Variants in TAF5 observed in about 807,000 individuals in gnomAD.
TAF5 encodes the protein transcription initiation factor TFIID subunit 5.
Under a neutral mutation model 80.9 loss-of-function variants are expected in TAF5, and 20 were observed. That is an observed-to-expected ratio of 0.25 (90% CI 0.17 to 0.36). The LOEUF is 0.36. Ranked by LOEUF, TAF5 falls within the 10% of genes least tolerant of loss-of-function variation. TAF5 has a pLI of 1.00. For synonymous variants in TAF5, 388 were observed against 406.4 expected (o/e 0.95, Z 0.55); for missense variants, 863 against 1,029.4 (o/e 0.84, Z 2.21).
In TAF5 at chr10:103,378,134, C is replaced by T; in HGVS notation, c.798-101C>T. 2.0e-6 allele frequency: 2 copies of T among 990,038 alleles called. No individual in the cohort carries two copies. Among genetic ancestry groups the T allele is most frequent in the Non-Finnish European group, 3.0e-6 (2 of 671,268 alleles). The allele number at this position is 990,038 out of a possible 1,614,324, so 61.3% of individuals were successfully genotyped here. Reference sequence around the variant, plus strand: ...GCTTAGTTCAGGATTATTTAGACTACTACATTGAAAATATTCTGGGATGGT... The same window carrying T: ...GCTTAGTTCAGGATTATTTAGACTATTACATTGAAAATATTCTGGGATGGT... On this transcript the variant is annotated intron_variant, in intron 2 of 10. Transcript: ENST00000369839. This position sits in a 1 kb window ranked among gnomAD's most constrained non-coding sequence, Gnocchi z 4.1.
chr10:103,385,260 T>C, intron 7 of TAF5, 66 bp from the exon 8 acceptor site: 1 of 1,300,032 alleles, frequency 7.7e-7, no homozygotes, highest in South Asian at 1.4e-5. Context: ...TTCAAATGTA[T>C]ATAAAACTGG....
rs1274549529 is a variant in TAF5, at chr10:103,373,419, A to G, written c.621A>G (p.Gln207=). 1.2e-6 allele frequency: 2 copies of G among 1,614,166 alleles called. No individual in the cohort carries two copies. Among genetic ancestry groups the G allele is most frequent in the Non-Finnish European group, 1.7e-6 (2 of 1,180,038 alleles). Residue 207 remains glutamine, a synonymous_variant, in exon 2 of 11, where the codon CAA becomes CAG. Coordinates refer to ENST00000369839, the MANE Select transcript of TAF5 (RefSeq NM_006951.5). ...GTGCCGTGTTGTCAGCCTACAACCA[A>G]CAAGGAGATCCCACAATGTATGAAG... is the stretch of plus-strand genomic sequence containing the variant. ...DVSAVLSAYN[Q]QGDPTMYEEY...
rs113860363 is a variant in TAF5 at position 103,374,323 on chromosome 10, G to C, written c.797+728G>C. 1.4e-3 allele frequency among the ~76,000 whole-genome samples: 207 copies of C among 152,302 alleles called. No homozygotes were observed. The highest frequency in any genetic ancestry group is 3.8e-3 in the African/African-American group (158 of 41,564). On this transcript the variant is annotated intron_variant, in intron 2 of 10. Transcript: ENST00000369839. The surrounding 1 kb of genome is among the most constrained non-coding windows in gnomAD (Gnocchi z 4.3). Reference sequence around the variant, plus strand: ...ATGTGGGACATTCGGGATTGGTGTGGTGGGTTCTTCATTACCAGGGCCCCA... The same window carrying C: ...ATGTGGGACATTCGGGATTGGTGTGCTGGGTTCTTCATTACCAGGGCCCCA...
intron 10 of TAF5, 112 bp from the exon 11 acceptor site, chr10:103,387,894 C>G (rs1431091625): frequency 1.7e-6 from 2 of 1,182,600 alleles, no homozygotes; most frequent in Non-Finnish European, 2.4e-6. Context: ...AGTTATTGGT[C>G]AAGTTTAGAT....
intron 6 of TAF5, 145 bp from the exon 7 acceptor site, chr10:103,383,093 C>A: frequency 1.7e-6 from 1 of 577,776 alleles, no homozygotes; most frequent in Non-Finnish European, 2.8e-6. Context: ...GATGATACTG[C>A]CTAATTTAGA....
chr10:103,368,631 T>A lies in TAF5; in HGVS notation c.559+83T>A, dbSNP rs542467750. 1.9e-5 allele frequency: 27 copies of A among 1,387,618 alleles called. No homozygotes were observed. In the South Asian group the frequency reaches 4.1e-4, roughly 21 times the overall value. 86.0% of individuals were successfully genotyped at this position (1,387,618 alleles called of 1,614,324 possible). On this transcript the variant is annotated intron_variant, in intron 1 of 10. Coordinates refer to ENST00000369839, the MANE Select transcript of TAF5 (RefSeq NM_006951.5). ...GCAGGGGCTGGCAGGCCTGCACCTCTGCGGGCTTGTTTTGAATTTCCTGGG... is the reference window on the plus strand; with the variant it reads ...GCAGGGGCTGGCAGGCCTGCACCTCAGCGGGCTTGTTTTGAATTTCCTGGG...
At position 103,368,047 on chromosome 10, in the gene TAF5, C is replaced by G; in HGVS notation, c.58C>G (p.Pro20Ala). ...GGCGGTCAAGCTAGAGCCTGAGGGA[C>G]CGCCAACGCTGCTACCTCCGCAGGC... The part of the protein sequence containing the change: ...EVAVKLEPEG[P>A]PTLLPPQAGD... The change falls in exon 1 of 11, where the codon CCG becomes GCG. Residue 20 changes from proline (P) to alanine (A), a missense_variant. Coordinates refer to ENST00000369839, the MANE Select transcript of TAF5 (RefSeq NM_006951.5). The G allele has an allele frequency of 6.9e-7, 1 of 1,446,290 alleles. No homozygotes were observed. The highest frequency in any genetic ancestry group is 1.4e-5 in the South Asian group (1 of 73,472). The allele number at this position is 1,446,290 out of a possible 1,614,324, so 89.6% of individuals were successfully genotyped here.
At chr10:103,371,244 A>G (rs1039734401) in intron 1 of TAF5, among the ~76,000 whole-genome samples, 1 of 115,406 alleles carries the variant, frequency 8.7e-6, no homozygotes, top group Non-Finnish European at 2.0e-5. Context: ...CTCCGTCTTT[A>G]CAAAAAAAAA....
In TAF5 at chr10:103,387,670, T is replaced by C. The variant is rs2093400286; in HGVS notation, c.2157T>C (p.Phe719=). The part of the protein sequence containing the change: ...GHTDTVCSLR[F]SRDGEILASG... ...CTGATACAGTCTGTTCACTTAGGTT[T>C]AGTAGAGATGGTGAAATTTTGGCAT... Residue 719 remains phenylalanine, a synonymous_variant, in exon 10 of 11, where the codon TTT becomes TTC. Transcript: ENST00000369839. 1 of 1,611,928 alleles carries C rather than the reference T, an allele frequency of 6.2e-7. No individual in the cohort carries two copies. Among genetic ancestry groups the C allele is most frequent in the African/African-American group, 1.3e-5 (1 of 74,912 alleles).
Position 103,368,163 on chromosome 10 carries a change from C to T in TAF5, c.174C>T (p.Gly58=). The change falls in exon 1 of 11, where the codon GGC becomes GGT. Residue 58 remains glycine, a synonymous_variant. Coordinates refer to ENST00000369839, the MANE Select transcript of TAF5 (RefSeq NM_006951.5). ...ACGTTGCGGCGTCGTCGTCCACTGG[C>T]GGGGATGGCGGGACCCCCAAGCCCA... The part of the protein sequence containing the change: ...GGNVAASSST[G]GDGGTPKPTV... 7.2e-7 allele frequency: 1 copy of T among 1,392,926 alleles called. No homozygotes were observed. The highest frequency in any genetic ancestry group is 9.3e-7 in the Non-Finnish European group (1 of 1,074,938). The allele number at this position is 1,392,926 out of a possible 1,614,324, so 86.3% of individuals were successfully genotyped here.
intron 1 of TAF5, among the ~76,000 whole-genome samples, chr10:103,370,412 G>GCCTC (rs2093356781): frequency 7.7e-6 from 1 of 130,414 alleles, no homozygotes; most frequent in African/African-American, 2.9e-5. Context: ...TGCAACCTCC[G>GCCTC]CCTCCCAGGT....
intron 3 of TAF5, 126 bp from the exon 4 acceptor site, chr10:103,379,481 AC>A (rs2093377207): frequency 1.2e-6 from 1 of 861,174 alleles, no homozygotes. Context: ...TATTGGGTAG[AC>A]AAATACAGAA....
chr10:103,370,126 G>C (rs979069294), intron 1 of TAF5, among the ~76,000 whole-genome samples: 1 of 151,554 alleles, frequency 6.6e-6, no homozygotes, highest in African/African-American at 2.4e-5. Flanking sequence ...CAGCTACTTG[G>C]GGGGCTGAGG....
Position 103,383,365 on chromosome 10 carries a change from T to C in TAF5, c.1662T>C (p.Asp554=), listed in dbSNP as rs757575612. 2.1e-5 allele frequency: 33 copies of C among 1,587,090 alleles called. No homozygotes were observed. Among genetic ancestry groups the C allele is most frequent in the Non-Finnish European group, 2.6e-5 (31 of 1,172,872 alleles). ...GPVYGASFSP[D]RNYLLSSSED... is the part of the protein sequence containing the mutation. ...TCTACGGAGCCAGCTTCAGTCCGGA[T>C]AGGTAAAATACAAACAATAAAAATT... Residue 554 remains aspartate (D), a splice_region_variant and synonymous_variant, in exon 7 of 11, where the codon GAT becomes GAC. Coordinates refer to ENST00000369839, the MANE Select transcript of TAF5 (RefSeq NM_006951.5).
intron 3 of TAF5, 68 bp from the exon 4 acceptor site, chr10:103,379,540 A>G: frequency 7.8e-7 from 1 of 1,287,642 alleles, no homozygotes; most frequent in East Asian, 2.5e-5. Flanking sequence ...GATTTATCCT[A>G]TCAAGATGTA....
rs559524338 is a variant in TAF5 at position 103,387,277 on chromosome 10, G to T, written c.1932G>T (p.Thr644=). Residue 644 remains threonine (T), a synonymous_variant, in exon 9 of 11, where the codon ACG becomes ACT. Transcript: ENST00000369839. ...RFHPNSNYVA[T]GSADRTVRLW... ...ATCCAAATTCTAATTATGTTGCTACGGGCTCTGCAGACAGAACTGTGCGGC... is the reference window on the plus strand; with the variant it reads ...ATCCAAATTCTAATTATGTTGCTACTGGCTCTGCAGACAGAACTGTGCGGC... 92 of 1,613,920 alleles carry T rather than the reference G, an allele frequency of 5.7e-5. No homozygotes were observed. The highest frequency in any genetic ancestry group is 7.1e-5 in the Non-Finnish European group (84 of 1,180,032).
chr10:103,382,135 TTAAA>T (rs916620447), intron 6 of TAF5, among the ~76,000 whole-genome samples: 1 of 152,198 alleles, frequency 6.6e-6, no homozygotes, highest in African/African-American at 2.4e-5. Flanking sequence ...TAAAAAATCT[TTAAA>T]TAAGGGATGG....
chr10:103,388,340 GA>G lies in TAF5; in HGVS notation c.*119del, dbSNP rs2093402813. 4 of 887,492 alleles carry G rather than the reference GA, an allele frequency of 4.5e-6. No individual in the cohort carries two copies. Among genetic ancestry groups the G allele is most frequent in the Non-Finnish European group, 3.4e-6 (2 of 593,098 alleles). 55.0% of individuals were successfully genotyped at this position (887,492 alleles called of 1,614,324 possible). Reference sequence around the variant, plus strand: ...GAATGTTTTTGTCTATATGGATCTGGAAGTATGCTGCTTGGAAAAATCTGAA... The same window carrying G: ...GAATGTTTTTGTCTATATGGATCTGGAGTATGCTGCTTGGAAAAATCTGAA... On this transcript the variant is annotated 3_prime_UTR_variant, in exon 11 of 11. Coordinates refer to ENST00000369839, the MANE Select transcript of TAF5 (RefSeq NM_006951.5).
chr10:103,368,865 T>G (rs371142234), intron 1 of TAF5, among the ~76,000 whole-genome samples: 2 of 152,366 alleles, frequency 1.3e-5, no homozygotes, highest in East Asian at 1.9e-4. Context: ...CAGGTCCGCA[T>G]GACACTAACA....
Sources: gnomAD v4.1 joint callset for allele counts (sites outside exome capture counted in the v4.1 genomes callset) on GRCh38, gnomAD v4.1.1 for gene constraint, Gnocchi (gnomAD v3.1) non-coding constraint, MANE v1.5 for transcripts, NCBI Gene and HGNC (gene_info 2026-07-23, HGNC 2026-07-21) for gene names.